The following C6orf52 variants were observed in gnomAD, a reference collection of about 807,000 sequenced individuals.
The protein encoded by C6orf52 is chromosome 6 open reading frame 52.
A neutral mutation model predicts 16.6 loss-of-function variants in C6orf52; 16 were observed. The ratio of observed to expected loss-of-function variants is 0.96; its 90% confidence interval spans 0.65 to 1.46. C6orf52 has a LOEUF of 1.46. C6orf52 is among the 40% of genes most tolerant of loss of function. The pLI is 0.00. For missense variants in C6orf52, 166 were observed against 182.3 expected (o/e 0.91, Z 0.52); for synonymous variants, 53 against 61.4 (o/e 0.86, Z 0.64).
At chr6:10,690,560 G>T (rs1769204134) in intron 1 of C6orf52, among the ~76,000 whole-genome samples, 1 of 152,108 alleles carries the variant, frequency 6.6e-6, no homozygotes, top group Admixed American at 6.5e-5. Context: ...ACTGTGTCCT[G>T]CTTGTACCCC....
At chr6:10,680,402 G>A (rs1768275372) in intron 4 of C6orf52, among the ~76,000 whole-genome samples, 1 of 152,194 alleles carries the variant, frequency 6.6e-6, no homozygotes, top group African/African-American at 2.4e-5. Context: ...TTGTCATTGT[G>A]CTGTTGAATT....
intron 1 of C6orf52, among the ~76,000 whole-genome samples, chr6:10,691,485 A>G (rs892722118): frequency 1.3e-5 from 2 of 152,098 alleles, no homozygotes; most frequent in Admixed American, 1.3e-4. Context: ...TTTCTATACA[A>G]TGTCTCTAAT....
chr6:10,692,011 T>A (rs1226943692), intron 1 of C6orf52, among the ~76,000 whole-genome samples: 1 of 152,186 alleles, frequency 6.6e-6, no homozygotes, highest in Admixed American at 6.5e-5. Flanking sequence ...TTTATGGTGA[T>A]AAGCTAAAAT....
chr6:10,688,143 G>A (rs116493635), intron 1 of C6orf52, among the ~76,000 whole-genome samples: 2,220 of 151,608 alleles, frequency 0.015, 49 homozygotes, highest in African/African-American at 0.051. Context: ...CTTCTCTTAC[G>A]CTCTACATTA....
intron 4 of C6orf52, chr6:10,674,810 ATT>A (rs1187713282): frequency 2.8e-4 from 39 of 138,970 alleles, no homozygotes; most frequent in African/African-American, 4.8e-4. Context: ...TATACAATAC[ATT>A]TTTTTTTTTT....
At chr6:10,675,690 T>C (rs937067768) in intron 4 of C6orf52, among the ~76,000 whole-genome samples, 2 of 152,378 alleles carry the variant, frequency 1.3e-5, no homozygotes, top group African/African-American at 4.8e-5. Flanking sequence ...ACATTTGTTA[T>C]CTTTCGTCTT....
intron 1 of C6orf52, among the ~76,000 whole-genome samples, chr6:10,692,935 G>A (rs181392944): frequency 1.8e-4 from 27 of 152,340 alleles, no homozygotes; most frequent in African/African-American, 5.5e-4. Context: ...CGTGGACAAA[G>A]CTGGCAGATG....
chr6:10,675,061 G>A (rs529676554), intron 4 of C6orf52, among the ~76,000 whole-genome samples: 89 of 152,080 alleles, frequency 5.9e-4, no homozygotes, highest in African/African-American at 2.0e-3. Context: ...CACCCACCTC[G>A]GCCTCCCAAA....
rs112039310 is a variant in C6orf52 at position 10,693,269 on chromosome 6, A to T, written c.-12+1225T>A. On this transcript the variant is annotated intron_variant, in intron 1 of 4. Coordinates refer to ENST00000259983, the MANE Select transcript of C6orf52 (RefSeq NM_001145020.3). ...TATGTCTGCTTTTCCTTTGTTCAGG[A>T]GTGCTCTCACCATCGTTCCATCTGC... Among the ~76,000 whole-genome samples the T allele has an allele frequency of 5.8e-3, 878 of 152,328 alleles. 8 individuals carry two copies. Among genetic ancestry groups the T allele is most frequent in the African/African-American group, 0.02 (833 of 41,576 alleles).
intron 4 of C6orf52, among the ~76,000 whole-genome samples, chr6:10,673,239 T>C (rs1767582862): frequency 2.0e-5 from 3 of 152,234 alleles, no homozygotes; most frequent in African/African-American, 7.2e-5. Context: ...ATCATATGCT[T>C]ATGAGCATGC....
chr6:10,687,739 G>A (rs1481126708), intron 1 of C6orf52, among the ~76,000 whole-genome samples, 178 bp from the exon 2 acceptor site: 1 of 152,070 alleles, frequency 6.6e-6, no homozygotes, highest in Non-Finnish European at 1.5e-5. Context: ...GGGCAAAGGT[G>A]TGGGTGGGGG....
chr6:10,678,461 T>C (rs368508542), intron 4 of C6orf52, among the ~76,000 whole-genome samples: 13 of 152,332 alleles, frequency 8.5e-5, no homozygotes, highest in African/African-American at 3.1e-4. Context: ...AACAATTTTG[T>C]GTAGTAAAGT....
At chr6:10,688,580 T>C (rs9358774) in intron 1 of C6orf52, among the ~76,000 whole-genome samples, 1,543 of 152,290 alleles carry the variant, frequency 0.01, 26 homozygotes, top group East Asian at 0.067. Context: ...CATGGGAGAT[T>C]GTTTACAGGA....
At position 10,671,507 on chromosome 6, in the gene C6orf52, C is replaced by T. The variant is rs1301456907; in HGVS notation, c.408G>A (p.Trp136Ter). Reference protein sequence around the residue: ...ELYDSLMNCHWQPLDTVHSEI... With the variant: ...ELYDSLMNCH Reference sequence around the variant, plus strand: ...CGGAGTGAACTGTGTCCAGAGGCTGCCAGTGGCAATTCATGAGGGAGTCGT... The same window carrying T: ...CGGAGTGAACTGTGTCCAGAGGCTGTCAGTGGCAATTCATGAGGGAGTCGT... Residue 136 changes from tryptophan to a stop codon, truncating the protein, a stop_gained, in exon 5 of 5, where the codon TGG becomes TGA. Transcript: ENST00000259983. LOFTEE classifies it high-confidence loss of function. 5.2e-6 allele frequency: 8 copies of T among 1,550,878 alleles called. No individual in the cohort carries two copies. The highest frequency in any genetic ancestry group is 7.0e-6 in the Non-Finnish European group (8 of 1,146,632).
intron 4 of C6orf52, among the ~76,000 whole-genome samples, chr6:10,679,301 G>A (rs898771318): frequency 6.6e-6 from 1 of 151,426 alleles, no homozygotes; most frequent in Non-Finnish European, 1.5e-5. Flanking sequence ...TTAGCTGGGC[G>A]TAGTGGCAGG....
intron 1 of C6orf52, 131 bp from the exon 2 acceptor site, chr6:10,687,692 C>T: frequency 1.5e-6 from 1 of 662,350 alleles, no homozygotes; most frequent in Non-Finnish European, 2.7e-6. Context: ...GTGGCAATTC[C>T]TGCTAGGCAA....
chr6:10,692,669 G>C (rs1769440018), intron 1 of C6orf52, among the ~76,000 whole-genome samples: 1 of 152,126 alleles, frequency 6.6e-6, no homozygotes, highest in Non-Finnish European at 1.5e-5. Context: ...TCGATCTCTT[G>C]ATCTCGTCAA....
Position 10,687,496 on chromosome 6 carries a change from AAT to A in C6orf52, c.53_54del (p.Tyr18LeufsTer12), listed in dbSNP as rs1363701615. ...ACCACTCACCTTTGCCAGTAGCAGT[AAT>A]AGTTATTTTGTTGAGCTATGCCAAA... The part of the protein sequence containing the change: ...ADFGIAQQNN[Y>X]YCYWQSLPSA... On this transcript the variant is annotated frameshift_variant, in exon 2 of 5. Coordinates refer to ENST00000259983, the MANE Select transcript of C6orf52 (RefSeq NM_001145020.3). LOFTEE classifies it high-confidence loss of function. 1.9e-6 allele frequency: 3 copies of A among 1,549,220 alleles called. No homozygotes were observed. The highest frequency in any genetic ancestry group is 2.7e-5 in the African/African-American group (2 of 72,774).
intron 4 of C6orf52, among the ~76,000 whole-genome samples, chr6:10,682,056 G>A (rs1232639176): frequency 6.6e-6 from 1 of 152,194 alleles, no homozygotes; most frequent in African/African-American, 2.4e-5. Context: ...CAACTCGTAT[G>A]TGATGGCCTG....
Sources: gnomAD v4.1 joint callset for allele counts (sites outside exome capture counted in the v4.1 genomes callset) on GRCh38, gnomAD v4.1.1 for gene constraint, MANE v1.5 for transcripts, NCBI Gene and HGNC (gene_info 2026-07-23, HGNC 2026-07-21) for gene names.